ROBO1: variants seen among roughly 807,000 people sequenced by gnomAD.
The protein encoded by ROBO1 is roundabout guidance receptor 1, also known as roundabout homolog 1.
ROBO1 carries 149 observed loss-of-function variants against 195.9 expected under a neutral mutation model. The ratio of observed to expected loss-of-function variants is 0.76; its 90% CI spans 0.67 to 0.87. The LOEUF is 0.87. ROBO1 is among the 40% of genes least tolerant of loss of function. The pLI, the probability that ROBO1 is intolerant of heterozygous loss-of-function variation, is 0.00. For missense variants in ROBO1, 1,933 were observed against 2,068.3 expected (o/e 0.93, Z 1.27); for synonymous variants, 816 against 733.2 (o/e 1.11, Z -1.82).
chr3:79,420,512 T>C (rs983379355), intron 2 of ROBO1, among the ~76,000 whole-genome samples: 3 of 152,130 alleles, frequency 2.0e-5, no homozygotes, highest in African/African-American at 7.2e-5. Context: ...GTGAAAGGTT[T>C]AAGGTAATGT....
chr3:79,539,662 CA>C (rs1941994036), intron 2 of ROBO1, among the ~76,000 whole-genome samples: 2 of 152,038 alleles, frequency 1.3e-5, no homozygotes, highest in Admixed American at 1.3e-4. Context: ...TTTAGAAAAA[CA>C]ATTAAAAACT....
chr3:79,261,435 A>C lies in ROBO1; in HGVS notation c.89-135896T>G, dbSNP rs373818994. Among the ~76,000 whole-genome samples, 6 of 152,156 alleles carry C rather than the reference A, an allele frequency of 3.9e-5. No homozygotes were observed. In the East Asian group the frequency reaches 9.7e-4, roughly 24 times the overall value. On this transcript the variant is annotated intron_variant, in intron 2 of 30. Coordinates refer to ENST00000464233, the MANE Select transcript of ROBO1 (RefSeq NM_002941.4). Reference sequence around the variant, plus strand: ...TTAAATTGTGAGTATAGAAATGAAAAATGTTTTTCATTTTTAAGTTGTATA... The same window carrying C: ...TTAAATTGTGAGTATAGAAATGAAACATGTTTTTCATTTTTAAGTTGTATA...
chr3:79,380,665 G>A (rs916551299), intron 2 of ROBO1, among the ~76,000 whole-genome samples: 12 of 151,844 alleles, frequency 7.9e-5, no homozygotes, highest in African/African-American at 2.4e-4. Flanking sequence ...CTGATCGTCC[G>A]AATTAATGAC....
intron 3 of ROBO1, among the ~76,000 whole-genome samples, chr3:78,972,439 T>C (rs978637483): frequency 2.6e-5 from 4 of 152,202 alleles, no homozygotes; most frequent in African/African-American, 9.7e-5. Flanking sequence ...AATTTGATGA[T>C]ATAATATTAT....
At chr3:78,800,723 A>AT (rs2084342976) in intron 4 of ROBO1, among the ~76,000 whole-genome samples, 2 of 151,766 alleles carry the variant, frequency 1.3e-5, no homozygotes. Flanking sequence ...TGCCCAGCTA[A>AT]TTTTTTTGTT....
rs1292640133 is a variant in ROBO1 at position 78,597,722 on chromosome 3, T to C, written c.*1191A>G. The C allele has an allele frequency of 3.9e-5, 6 of 152,502 alleles. No homozygotes were observed. Among genetic ancestry groups the C allele is most frequent in the Admixed American group, 3.3e-4 (5 of 15,274 alleles). 9.4% of individuals were successfully genotyped at this position (152,502 alleles called of 1,614,324 possible). On this transcript the variant is annotated 3_prime_UTR_variant, in exon 31 of 31. Coordinates refer to ENST00000464233, the MANE Select transcript of ROBO1 (RefSeq NM_002941.4). ...ATTGGCCACAACAAACTTAAACCTC[T>C]TTTTTTCTTTAAGTCCAGGAAAAGT... is the stretch of plus-strand genomic sequence containing the variant.
At chr3:78,717,550 G>T in intron 6 of ROBO1, 137 bp from the exon 7 acceptor site, 1 of 908,690 alleles carries the variant, frequency 1.1e-6, no homozygotes, top group South Asian at 1.7e-5. Context: ...CCTCATTCTA[G>T]AAGCTTCTCC....
chr3:79,710,056 G>T (rs2107220798), intron 1 of ROBO1, among the ~76,000 whole-genome samples: 1 of 152,134 alleles, frequency 6.6e-6, no homozygotes, highest in South Asian at 2.1e-4. Flanking sequence ...GAAAGACAGG[G>T]CTGACATGAG....
chr3:79,323,100 G>C (rs1373266228), intron 2 of ROBO1, among the ~76,000 whole-genome samples: 1 of 88,290 alleles, frequency 1.1e-5, no homozygotes, highest in Non-Finnish European at 2.2e-5. Flanking sequence ...TTTTTTTTTT[G>C]AGACGAAGTC....
intron 4 of ROBO1, among the ~76,000 whole-genome samples, chr3:78,837,425 T>C (rs567091562): frequency 2.6e-5 from 4 of 152,242 alleles, no homozygotes; most frequent in Non-Finnish European, 5.9e-5. Context: ...GTAGCAAAAA[T>C]AGTTGCTTAA....
chr3:78,629,756 T>G (rs1705062732), intron 25 of ROBO1, among the ~76,000 whole-genome samples: 3 of 152,178 alleles, frequency 2.0e-5, no homozygotes, highest in Admixed American at 6.5e-5. Context: ...GTGTAATTTA[T>G]TTGTAAACCC....
In ROBO1 at chr3:78,600,282, G is replaced by A; in HGVS notation, c.4772C>T (p.Thr1591Ile). 6.2e-7 allele frequency: 1 copy of A among 1,611,952 alleles called. No individual in the cohort carries two copies. The highest frequency in any genetic ancestry group is 8.5e-7 in the Non-Finnish European group (1 of 1,178,172). The change falls in exon 30 of 31, where the codon ACT (threonine) becomes ATT (isoleucine). Residue 1591 changes from threonine to isoleucine, a missense_variant. By Grantham distance (89) the Thr-to-Ile change is moderately conservative. Coordinates refer to ENST00000464233, the MANE Select transcript of ROBO1 (RefSeq NM_002941.4). ...TCTGGGATTATTTGATGTTGGAAAA[G>A]TAGGTCTACAATAAGGTAGAATATC... is the stretch of plus-strand genomic sequence containing the variant. ...QEDILPYCRP[T>I]FPTSNNPRDP...
chr3:79,054,450 C>A (rs564247561), intron 3 of ROBO1, among the ~76,000 whole-genome samples: 1 of 152,172 alleles, frequency 6.6e-6, no homozygotes, highest in Admixed American at 6.5e-5. Flanking sequence ...AATGGCCATG[C>A]ATTCCATCCA....
chr3:79,336,703 G>A (rs1435371604), intron 2 of ROBO1, among the ~76,000 whole-genome samples: 2 of 152,220 alleles, frequency 1.3e-5, no homozygotes, highest in African/African-American at 4.8e-5. Flanking sequence ...GCTGTGAGAA[G>A]AGGGCCACAG....
intron 3 of ROBO1, among the ~76,000 whole-genome samples, chr3:78,988,815 T>C (rs1043117457): frequency 6.6e-6 from 1 of 152,204 alleles, no homozygotes; most frequent in Non-Finnish European, 1.5e-5. Context: ...AGTTGTATAC[T>C]AGCCAAATTA....
intron 4 of ROBO1, among the ~76,000 whole-genome samples, chr3:78,936,844 C>T (rs922754822): frequency 2.0e-5 from 3 of 151,926 alleles, no homozygotes; most frequent in African/African-American, 7.3e-5. Context: ...GGGCTACATT[C>T]AAATTGGCCT....
chr3:78,694,500 C>T (rs2081243815), intron 8 of ROBO1, among the ~76,000 whole-genome samples: 1 of 152,106 alleles, frequency 6.6e-6, no homozygotes, highest in Admixed American at 6.5e-5. Context: ...TCATACGTTC[C>T]CTTCAACAGG....
At chr3:79,341,249 CTACTT>C in intron 2 of ROBO1, among the ~76,000 whole-genome samples, 1 of 152,142 alleles carries the variant, frequency 6.6e-6, no homozygotes, top group East Asian at 1.9e-4. Flanking sequence ...CAGGAAATGG[CTACTT>C]TAAAGAGAAA....
intron 2 of ROBO1, among the ~76,000 whole-genome samples, chr3:79,153,663 C>G (rs1053559388): frequency 6.7e-6 from 1 of 149,768 alleles, no homozygotes; most frequent in Admixed American, 6.7e-5. Context: ...CAAATATACT[C>G]GTCTGCTTAA....
Sources: gnomAD v4.1 joint callset for allele counts (sites outside exome capture counted in the v4.1 genomes callset) on GRCh38, gnomAD v4.1.1 for gene constraint, MANE v1.5 for transcripts, NCBI Gene and HGNC (gene_info 2026-07-23, HGNC 2026-07-21) for gene names.